The following CFAP52 variants were observed in gnomAD, a reference collection of about 807,000 sequenced individuals.
CFAP52 encodes the protein cilia and flagella associated protein 52.
CFAP52 carries 57 observed loss-of-function variants against 70.5 expected under a neutral mutation model. The observed-to-expected ratio is 0.81, with a 90% CI of 0.65 to 1.01. CFAP52 has a LOEUF of 1.01. CFAP52 is among the 50% of genes least tolerant of loss of function. The pLI is 0.00. For synonymous variants in CFAP52, 267 were observed against 292.5 expected, an observed-to-expected ratio of 0.91 and a Z score of 0.89; for missense variants, 785 against 788.5, an observed-to-expected ratio of 1.00 and a Z score of 0.05.
At chr17:9,592,557 C>T (rs967258995) in intron 3 of CFAP52, among the ~76,000 whole-genome samples, 8 of 152,232 alleles carry the variant, frequency 5.3e-5, no homozygotes, top group South Asian at 2.1e-4. Context: ...AACCACTAAT[C>T]GACCATCTGT....
intron 10 of CFAP52, among the ~76,000 whole-genome samples, chr17:9,634,875 A>G (rs1910705547): frequency 1.3e-5 from 2 of 152,230 alleles, no homozygotes; most frequent in African/African-American, 4.8e-5. Flanking sequence ...TGTATTACCT[A>G]TGAATTTCAC....
At chr17:9,586,056 T>A in intron 2 of CFAP52, 84 bp downstream of exon 2, 1 of 1,371,258 alleles carries the variant, frequency 7.3e-7, no homozygotes, top group Non-Finnish European at 1.0e-6. Context: ...TTGTTAGTTC[T>A]ATGTGGCAAT....
At position 9,576,744 on chromosome 17, in the gene CFAP52, G is replaced by A. The variant is rs375706369; in HGVS notation, c.49G>A (p.Asp17Asn). 6.2e-7 allele frequency: 1 copy of A among 1,612,520 alleles called. No individual in the cohort carries two copies. The highest frequency in any genetic ancestry group is 1.3e-5 in the African/African-American group (1 of 74,904). The change falls in exon 1 of 14, where the codon GAC becomes AAC. Residue 17 changes from aspartate to asparagine, a missense_variant. By Grantham distance (23) the Asp-to-Asn change is conservative (BLOSUM62 1). Transcript: ENST00000352665. ...PEAQVAELEL[D>N]AVIGFNGHVP... ...GGCCCAAGTGGCGGAGCTGGAACTTGACGCCGTGATCGGCTTCAATGGTGA... is the reference window on the plus strand; with the variant it reads ...GGCCCAAGTGGCGGAGCTGGAACTTAACGCCGTGATCGGCTTCAATGGTGA...
chr17:9,641,724 A>T lies in CFAP52; in HGVS notation c.1576A>T (p.Ile526Phe), dbSNP rs1249551009. The change falls in exon 13 of 14, where the codon ATT (isoleucine) becomes TTT (phenylalanine). Residue 526 changes from isoleucine (I) to phenylalanine (F), a missense_variant and splice_region_variant. Coordinates refer to ENST00000352665, the MANE Select transcript of CFAP52 (RefSeq NM_145054.5). ...QIITSGTDRK[I>F]AYWEVFDGTV... is the part of the protein sequence containing the mutation. Reference sequence around the variant, plus strand: ...TTAATGCTTCTTTCCTGAATTCCAGATTGCTTACTGGGAAGTATTTGATGG... The same window carrying T: ...TTAATGCTTCTTTCCTGAATTCCAGTTTGCTTACTGGGAAGTATTTGATGG... 2.5e-5 allele frequency: 41 copies of T among 1,611,260 alleles called. No homozygotes were observed. The highest frequency in any genetic ancestry group is 3.3e-5 in the Non-Finnish European group (39 of 1,177,600).
In CFAP52 at chr17:9,627,112, CTT is replaced by C. The variant is rs201487824; in HGVS notation, c.1026-1546_1026-1545del. ...AATTTACATTGTATTTAGAGGTTGC[CTT>C]TTTTTTTTTTTTTGAGCTTGACAGA... is the stretch of plus-strand genomic sequence containing the variant. On this transcript the variant is annotated intron_variant, in intron 8 of 13. Transcript: ENST00000352665. 3.3e-3 allele frequency among the ~76,000 whole-genome samples: 455 copies of C among 137,646 alleles called. 3 individuals carry two copies. Among genetic ancestry groups the C allele is most frequent in the Middle Eastern group, 0.011 (3 of 272 alleles). 90.3% of individuals were successfully genotyped at this position (137,646 alleles called of 152,430 possible). A position where few individuals can be genotyped will look rare whatever the true frequency, so the allele number is the denominator to read the frequency against.
At chr17:9,610,628 G>A (rs1022095008) in intron 7 of CFAP52, among the ~76,000 whole-genome samples, 5 of 151,842 alleles carry the variant, frequency 3.3e-5, no homozygotes, top group African/African-American at 7.3e-5. Flanking sequence ...TCCGCCTCCC[G>A]GGTTCAAGAG....
chr17:9,632,346 G>A (rs993848272), intron 9 of CFAP52, among the ~76,000 whole-genome samples: 5 of 151,120 alleles, frequency 3.3e-5, no homozygotes, highest in Admixed American at 6.6e-5. Flanking sequence ...CACCCACCTT[G>A]GCCTCCCAAA....
At chr17:9,634,071 A>T (rs1051567859) in intron 10 of CFAP52, among the ~76,000 whole-genome samples, 4 of 152,178 alleles carry the variant, frequency 2.6e-5, no homozygotes, top group Non-Finnish European at 2.9e-5. Context: ...GATCATGCTC[A>T]ACTTTTTCTT....
intron 9 of CFAP52, among the ~76,000 whole-genome samples, chr17:9,629,041 G>A (rs1910347800): frequency 1.3e-5 from 2 of 152,088 alleles, no homozygotes; most frequent in African/African-American, 4.8e-5. Context: ...CTCCCACATT[G>A]CTGCATATAG....
At chr17:9,590,434 G>A (rs143187282) in intron 3 of CFAP52, 8 of 203,522 alleles carry the variant, frequency 3.9e-5, no homozygotes, top group South Asian at 2.9e-4. Flanking sequence ...TTTTTGCCAC[G>A]GCAGAGGGCA....
At chr17:9,607,878 G>T (rs1044635517) in intron 6 of CFAP52, among the ~76,000 whole-genome samples, 4 of 152,164 alleles carry the variant, frequency 2.6e-5, no homozygotes, top group Non-Finnish European at 2.9e-5. Context: ...TCAGCCTGGG[G>T]GTGCATCGCG....
intron 6 of CFAP52, among the ~76,000 whole-genome samples, chr17:9,606,921 A>G (rs1390661815): frequency 1.3e-5 from 2 of 152,150 alleles, no homozygotes; most frequent in Non-Finnish European, 2.9e-5. Context: ...CAATCACAAA[A>G]TGTCTTTTGA....
Position 9,630,990 on chromosome 17 carries a change from A to AAAAG in CFAP52, c.1175-1860_1175-1857dup, listed in dbSNP as rs1183878434. On this transcript the variant is annotated intron_variant, in intron 9 of 13. Coordinates refer to ENST00000352665, the MANE Select transcript of CFAP52 (RefSeq NM_145054.5). ...AACAGAGCCAGACTCCATCTCAAAA[A>AAAAG]AAAGAAAGAAAGAAAGAAAGAAAGA... is the stretch of plus-strand genomic sequence containing the variant. Among the ~76,000 whole-genome samples, 112 of 97,556 alleles carry AAAAG rather than the reference A, an allele frequency of 1.1e-3. 2 individuals carry two copies. The highest frequency in any genetic ancestry group is 2.1e-3 in the East Asian group (4 of 1,918). 64.0% of individuals were successfully genotyped at this position (97,556 alleles called of 152,430 possible). A position where few individuals can be genotyped will look rare whatever the true frequency, so the allele number is the denominator to read the frequency against.
At chr17:9,615,767 C>G (rs1375973504) in intron 8 of CFAP52, among the ~76,000 whole-genome samples, 1 of 149,234 alleles carries the variant, frequency 6.7e-6, no homozygotes, top group East Asian at 2.0e-4. Flanking sequence ...TACCACCATG[C>G]CCAGCTAATT....
Position 9,625,186 on chromosome 17 carries a change from C to A in CFAP52, c.1026-3486C>A, listed in dbSNP as rs563142741. Among the ~76,000 whole-genome samples the A allele has an allele frequency of 1.8e-4, 28 of 151,718 alleles. No individual in the cohort carries two copies. The South Asian group carries it at 2.5e-3, about 14-fold the overall frequency. The stretch of plus-strand genomic sequence containing the variant: ...ATGTAGCTGTCTTTAGCAGTAGAAT[C>A]CTTAAAAAAAATCAATTAAAAAAAA... On this transcript the variant is annotated intron_variant, in intron 8 of 13. Coordinates refer to ENST00000352665, the MANE Select transcript of CFAP52 (RefSeq NM_145054.5).
intron 1 of CFAP52, among the ~76,000 whole-genome samples, chr17:9,578,500 A>G (rs530189892): frequency 6.6e-6 from 1 of 152,320 alleles, no homozygotes; most frequent in African/African-American, 2.4e-5. Flanking sequence ...ATCTCAAGAT[A>G]AGTGCTTGTT....
chr17:9,602,266 T>G (rs1909301972), intron 6 of CFAP52, among the ~76,000 whole-genome samples: 1 of 152,300 alleles, frequency 6.6e-6, no homozygotes, highest in East Asian at 1.9e-4. Context: ...CTTAATGCTA[T>G]CCCTTTTCTA....
chr17:9,623,666 CTTTT>C (rs200546540), intron 8 of CFAP52, among the ~76,000 whole-genome samples: 5 of 142,532 alleles, frequency 3.5e-5, no homozygotes, highest in East Asian at 2.1e-4. Context: ...CTTTGCTTAG[CTTTT>C]TTTGTTTGTT....
At chr17:9,616,172 C>T (rs1238259683) in intron 8 of CFAP52, among the ~76,000 whole-genome samples, 1 of 151,388 alleles carries the variant, frequency 6.6e-6, no homozygotes, top group East Asian at 2.0e-4. Flanking sequence ...CAGGTCGAGG[C>T]ATTGCCTCAC....
Sources: gnomAD v4.1 joint callset for allele counts (sites outside exome capture counted in the v4.1 genomes callset) on GRCh38, gnomAD v4.1.1 for gene constraint, MANE v1.5 for transcripts, NCBI Gene and HGNC (gene_info 2026-07-23, HGNC 2026-07-21) for gene names.